Variants in SLC22A15 observed in about 807,000 individuals in gnomAD.
SLC22A15 encodes the protein solute carrier family 22 member 15.
In SLC22A15, 45 loss-of-function variants were observed where a neutral mutation model predicts 62.7. The ratio of observed to expected loss-of-function variants is 0.72; its 90% CI spans 0.56 to 0.92. The LOEUF is 0.92. SLC22A15 is among the 40% of genes least tolerant of loss of function. The pLI, the probability that SLC22A15 is intolerant of heterozygous loss-of-function variation, is 0.00. For missense variants in SLC22A15, 622 were observed against 665.6 expected, an observed-to-expected ratio of 0.93 and a Z score of 0.72; for synonymous variants, 264 against 267.0, an observed-to-expected ratio of 0.99 and a Z score of 0.11.
At chr1:115,983,485 T>C (rs1654710933) in intron 1 of SLC22A15, among the ~76,000 whole-genome samples, 2 of 152,222 alleles carry the variant, frequency 1.3e-5, no homozygotes, top group Admixed American at 6.5e-5. Flanking sequence ...AGATTATATA[T>C]GTATAATCGA....
intron 2 of SLC22A15, among the ~76,000 whole-genome samples, chr1:116,018,340 AT>A (rs1656646336): frequency 6.6e-6 from 1 of 151,878 alleles, no homozygotes. Context: ...ATGAATCAGA[AT>A]TTTTTTCCTT....
chr1:116,056,223 T>C (rs1241505714), intron 8 of SLC22A15, among the ~76,000 whole-genome samples: 3 of 152,080 alleles, frequency 2.0e-5, no homozygotes, highest in Non-Finnish European at 2.9e-5. Flanking sequence ...GGATACCAAA[T>C]CAAAGTACAA....
chr1:116,023,882 A>G (rs1412165583), intron 4 of SLC22A15, among the ~76,000 whole-genome samples: 2 of 152,210 alleles, frequency 1.3e-5, no homozygotes. Flanking sequence ...GCAAAGACCC[A>G]GGCCTTGAAG....
chr1:116,027,775 G>A (rs1465445639), intron 5 of SLC22A15, among the ~76,000 whole-genome samples: 4 of 151,994 alleles, frequency 2.6e-5, no homozygotes, highest in Admixed American at 6.6e-5. Flanking sequence ...ACAGGCATGC[G>A]CCACCACGCC....
intron 8 of SLC22A15, among the ~76,000 whole-genome samples, chr1:116,056,708 A>T (rs1658216814): frequency 6.6e-6 from 1 of 152,156 alleles, no homozygotes; most frequent in Non-Finnish European, 1.5e-5. Context: ...CAAAACAGAG[A>T]TATAGATCAA....
Position 116,069,484 on chromosome 1 carries a change from AT to A in SLC22A15, c.*2384del, listed in dbSNP as rs1254158511. The A allele has an allele frequency of 6.6e-6, 1 of 151,970 alleles. No individual in the cohort carries two copies. The highest frequency in any genetic ancestry group is 1.5e-5 in the Non-Finnish European group (1 of 67,988). The allele number at this position is 151,970 out of a possible 1,614,324, so 9.4% of individuals were successfully genotyped here. On this transcript the variant is annotated 3_prime_UTR_variant, in exon 12 of 12. Coordinates refer to ENST00000369503, the MANE Select transcript of SLC22A15 (RefSeq NM_018420.3). ...TTTTTAATTCTATTCAAAATTAAAA[AT>A]TTTTTTTCCTAAAATAAAGCAAGAA...
intron 2 of SLC22A15, among the ~76,000 whole-genome samples, chr1:115,993,431 G>A (rs1032945116): frequency 1.4e-5 from 2 of 147,398 alleles, no homozygotes; most frequent in African/African-American, 5.2e-5. Context: ...GTGTGAGAGT[G>A]TGTGTGTGTG....
At chr1:115,977,470 G>C (rs1387701366) in intron 1 of SLC22A15, among the ~76,000 whole-genome samples, 1 of 152,244 alleles carries the variant, frequency 6.6e-6, no homozygotes, top group Admixed American at 6.5e-5. Flanking sequence ...CGCCAGGCAA[G>C]GATTAGTCCT....
chr1:116,041,185 C>G (rs561513360), intron 8 of SLC22A15, among the ~76,000 whole-genome samples: 2 of 152,096 alleles, frequency 1.3e-5, no homozygotes. Flanking sequence ...CCTAGTGGAA[C>G]CTTCATATCT....
chr1:116,011,492 G>A (rs544248262), intron 2 of SLC22A15, among the ~76,000 whole-genome samples: 1 of 152,262 alleles, frequency 6.6e-6, no homozygotes, highest in Admixed American at 6.5e-5. Context: ...GATATTGTGT[G>A]TGAAGATGCC....
intron 2 of SLC22A15, chr1:116,013,990 T>C (rs1656403744): frequency 6.6e-6 from 1 of 152,288 alleles, no homozygotes. Flanking sequence ...GCTTGCTACC[T>C]CCATTCTGTT....
chr1:116,004,527 C>T (rs984340152), intron 2 of SLC22A15, among the ~76,000 whole-genome samples: 2 of 152,086 alleles, frequency 1.3e-5, no homozygotes, highest in Admixed American at 6.6e-5. Context: ...AATATTGAAC[C>T]AGCCTTGCAT....
chr1:116,068,716 C>T lies in SLC22A15; in HGVS notation c.*1608C>T, dbSNP rs1292444202. ...GGAACTCCTCCCAGTATAATTTTTACAAACTCCAAGCAAATCTGACCCAAA... is the reference window on the plus strand; with the variant it reads ...GGAACTCCTCCCAGTATAATTTTTATAAACTCCAAGCAAATCTGACCCAAA... On this transcript the variant is annotated 3_prime_UTR_variant, in exon 12 of 12. Coordinates refer to ENST00000369503, the MANE Select transcript of SLC22A15 (RefSeq NM_018420.3). 6.6e-6 allele frequency: 1 copy of T among 152,132 alleles called. No individual in the cohort carries two copies. The highest frequency in any genetic ancestry group is 2.4e-5 in the African/African-American group (1 of 41,426). 9.4% of individuals were successfully genotyped at this position (152,132 alleles called of 1,614,324 possible).
In SLC22A15 at chr1:115,998,232, C is replaced by T. The variant is rs1170453161; in HGVS notation, c.300+5989C>T. On this transcript the variant is annotated intron_variant, in intron 2 of 11. Coordinates refer to ENST00000369503, the MANE Select transcript of SLC22A15 (RefSeq NM_018420.3). ...ATCAATATTCATCAGATGTATTGGC[C>T]TCTAGGTTTTCTTTTTTTTGGTGTG... 2.0e-5 allele frequency among the ~76,000 whole-genome samples: 3 copies of T among 152,080 alleles called. No individual in the cohort carries two copies. The East Asian group carries it at 5.8e-4, about 29-fold the overall frequency.
At chr1:116,013,516 G>A (rs986577440) in intron 2 of SLC22A15, among the ~76,000 whole-genome samples, 6 of 152,044 alleles carry the variant, frequency 3.9e-5, no homozygotes, top group African/African-American at 9.7e-5. Context: ...GTGAAAGTTC[G>A]TTGGTTATTA....
chr1:115,984,088 A>AT lies in SLC22A15; in HGVS notation c.87+7378dup, dbSNP rs201551515. On this transcript the variant is annotated intron_variant, in intron 1 of 11. Transcript: ENST00000369503. ...TACTAAAATTAAAACATTTGAATTG[A>AT]TTTTAAAGAAGACTATTGAGTAAAT... is the stretch of plus-strand genomic sequence containing the variant. Among the ~76,000 whole-genome samples, 1,366 of 152,376 alleles carry AT rather than the reference A, an allele frequency of 9.0e-3. 8 individuals are homozygous for AT. Among genetic ancestry groups the AT allele is most frequent in the Non-Finnish European group, 0.014 (956 of 68,042 alleles).
chr1:116,038,470 G>A (rs568779127), intron 8 of SLC22A15, among the ~76,000 whole-genome samples: 109 of 152,238 alleles, frequency 7.2e-4, no homozygotes, highest in Admixed American at 1.6e-3. Context: ...TCTATACCTT[G>A]AGCCTCGAGT....
At chr1:116,064,598 T>A (rs751262794) in intron 10 of SLC22A15, 90 bp downstream of exon 10, 1 of 838,862 alleles carries the variant, frequency 1.2e-6, no homozygotes, top group Non-Finnish European at 2.0e-6. Context: ...TGAACAGATG[T>A]CATTTAAGAT....
At chr1:116,029,549 T>G (rs1657290309) in intron 5 of SLC22A15, among the ~76,000 whole-genome samples, 1 of 152,190 alleles carries the variant, frequency 6.6e-6, no homozygotes, top group African/African-American at 2.4e-5. Context: ...GGCAACTAGG[T>G]GACCCTCTTT....
Sources: gnomAD v4.1 joint callset for allele counts (sites outside exome capture counted in the v4.1 genomes callset) on GRCh38, gnomAD v4.1.1 for gene constraint, MANE v1.5 for transcripts, NCBI Gene and HGNC (gene_info 2026-07-23, HGNC 2026-07-21) for gene names.